Variants in LRBA observed in about 807,000 individuals in gnomAD.
LRBA encodes LPS responsive beige-like anchor protein.
LRBA carries 176 observed loss-of-function variants against 330.0 expected under a neutral mutation model. The ratio of observed to expected loss-of-function variants is 0.53; its 90% CI spans 0.47 to 0.60. The LOEUF is 0.60. Among genes scored for constraint, LRBA ranks in the 20% least tolerant of loss-of-function variants. The probability of loss-of-function intolerance (pLI) is 0.00; values close to 1 mark genes in which losing one functional copy is unlikely to be tolerated. For synonymous variants in LRBA, 1,230 were observed against 1,193.0 expected, an observed-to-expected ratio of 1.03 and a Z score of -0.64; for missense variants, 3,259 against 3,444.8, an observed-to-expected ratio of 0.95 and a Z score of 1.35.
At chr4:150,471,135 G>A (rs1039003414) in intron 43 of LRBA, among the ~76,000 whole-genome samples, 2 of 152,012 alleles carry the variant, frequency 1.3e-5, no homozygotes, top group Admixed American at 1.3e-4. Context: ...AAAATATACA[G>A]TATATACATA....
intron 13 of LRBA, among the ~76,000 whole-genome samples, chr4:150,900,566 T>G (rs1717938777): frequency 6.6e-6 from 1 of 152,216 alleles, no homozygotes; most frequent in Non-Finnish European, 1.5e-5. Flanking sequence ...ACTTATGCTA[T>G]CTATGCATAG....
intron 42 of LRBA, among the ~76,000 whole-genome samples, chr4:150,481,104 T>C (rs1757247608): frequency 6.6e-6 from 1 of 152,232 alleles, no homozygotes; most frequent in South Asian, 2.1e-4. Flanking sequence ...TAACTTTCTG[T>C]GCCTGGCTTA....
At chr4:150,372,676 T>A (rs1222773965) in intron 47 of LRBA, among the ~76,000 whole-genome samples, 3 of 148,576 alleles carry the variant, frequency 2.0e-5, no homozygotes, top group East Asian at 1.9e-4. Flanking sequence ...AAGCTTCAAT[T>A]TATTCCTCAT....
At chr4:151,012,507 G>A (rs1744967992) in intron 2 of LRBA, among the ~76,000 whole-genome samples, 2 of 152,166 alleles carry the variant, frequency 1.3e-5, no homozygotes, top group South Asian at 4.1e-4. Flanking sequence ...AATGTTTCAA[G>A]TCTATTTTGA....
At chr4:150,965,019 T>C (rs1738723853) in intron 2 of LRBA, among the ~76,000 whole-genome samples, 1 of 152,148 alleles carries the variant, frequency 6.6e-6, no homozygotes, top group African/African-American at 2.4e-5. Context: ...AGAGGCACTT[T>C]CATAGAGTTC....
chr4:150,738,031 G>A (rs1222564071), intron 35 of LRBA, among the ~76,000 whole-genome samples: 6 of 130,336 alleles, frequency 4.6e-5, no homozygotes, highest in East Asian at 2.2e-4. Context: ...TCGCTCTGTC[G>A]CCCAGGCTGG....
intron 40 of LRBA, among the ~76,000 whole-genome samples, chr4:150,508,077 G>A (rs1480911255): frequency 8.3e-6 from 1 of 120,340 alleles, no homozygotes; most frequent in African/African-American, 3.1e-5. Flanking sequence ...GGGGACTGTT[G>A]TGGGGTGGGG....
intron 40 of LRBA, among the ~76,000 whole-genome samples, chr4:150,551,057 GTGATTA>G (rs1445075233): frequency 3.9e-5 from 6 of 152,120 alleles, no homozygotes; most frequent in Admixed American, 6.5e-5. Flanking sequence ...ATGGATTAAT[GTGATTA>G]TTGCTAGGGA....
At chr4:150,832,923 C>T (rs1437680506) in intron 28 of LRBA, among the ~76,000 whole-genome samples, 1 of 152,034 alleles carries the variant, frequency 6.6e-6, no homozygotes, top group Non-Finnish European at 1.5e-5. Flanking sequence ...GAATACACCA[C>T]CACATCCAGC....
intron 37 of LRBA, among the ~76,000 whole-genome samples, chr4:150,613,994 T>A (rs1204207785): frequency 6.6e-6 from 1 of 152,054 alleles, no homozygotes; most frequent in Non-Finnish European, 1.5e-5. Flanking sequence ...ACTACCAGAG[T>A]CTTTAGTTTC....
Position 150,915,650 on chromosome 4 carries a change from C to A in LRBA, c.972G>T (p.Leu324=). 1 of 1,612,938 alleles carries A rather than the reference C, an allele frequency of 6.2e-7. No homozygotes were observed. Among genetic ancestry groups the A allele is most frequent in the Non-Finnish European group, 8.5e-7 (1 of 1,179,176 alleles). Reference sequence around the variant, plus strand: ...ACCATGTTATCTCTCCATAGGAAGCCAGCTCACCATTCACATAACATCGAA... The same window carrying A: ...ACCATGTTATCTCTCCATAGGAAGCAAGCTCACCATTCACATAACATCGAA... The part of the protein sequence containing the change: ...SELRCYVNGE[L]ASYGEITWFV... Residue 324 remains leucine (L), a synonymous_variant, in exon 8 of 57, where the codon CTG becomes CTT. Transcript: ENST00000651943.
intron 46 of LRBA, among the ~76,000 whole-genome samples, chr4:150,422,040 T>C (rs1381038996): frequency 2.0e-5 from 3 of 152,152 alleles, no homozygotes; most frequent in Non-Finnish European, 2.9e-5. Flanking sequence ...GGAGGACTGA[T>C]TGAGTGCAGG....
intron 40 of LRBA, among the ~76,000 whole-genome samples, chr4:150,573,564 C>A (rs1156391456): frequency 6.6e-6 from 1 of 152,074 alleles, no homozygotes; most frequent in African/African-American, 2.4e-5. Context: ...AAAATGAGAA[C>A]AATTAGATCT....
intron 36 of LRBA, among the ~76,000 whole-genome samples, chr4:150,699,859 A>G (rs1257875896): frequency 6.6e-6 from 1 of 152,158 alleles, no homozygotes; most frequent in Non-Finnish European, 1.5e-5. Flanking sequence ...TTCAAACCCT[A>G]GCAATTTGGA....
intron 40 of LRBA, among the ~76,000 whole-genome samples, chr4:150,547,938 C>T (rs1222777300): frequency 6.6e-6 from 1 of 152,094 alleles, no homozygotes; most frequent in Non-Finnish European, 1.5e-5. Context: ...ATGACTTTTA[C>T]TTGCTGTTTC....
chr4:150,594,845 T>C (rs1351620249), intron 38 of LRBA, among the ~76,000 whole-genome samples: 1 of 151,920 alleles, frequency 6.6e-6, no homozygotes, highest in Non-Finnish European at 1.5e-5. Flanking sequence ...GATTTATCTA[T>C]CCACCACAAA....
intron 36 of LRBA, among the ~76,000 whole-genome samples, chr4:150,703,709 T>A (rs1425854331): frequency 6.6e-6 from 1 of 152,104 alleles, no homozygotes; most frequent in African/African-American, 2.4e-5. Context: ...ATGATTGTAA[T>A]AAGAGAAGTG....
intron 2 of LRBA, among the ~76,000 whole-genome samples, chr4:150,965,583 G>A (rs1471520015): frequency 1.3e-5 from 2 of 152,112 alleles, no homozygotes; most frequent in African/African-American, 4.8e-5. Context: ...TGTTGTCCAG[G>A]TGGCAGACTG....
intron 44 of LRBA, among the ~76,000 whole-genome samples, chr4:150,466,682 T>G (rs1263005649): frequency 6.6e-6 from 1 of 152,106 alleles, no homozygotes; most frequent in Non-Finnish European, 1.5e-5. Context: ...ATTTGTTAGC[T>G]GTTCCTAGAA....
Sources: gnomAD v4.1 joint callset for allele counts (sites outside exome capture counted in the v4.1 genomes callset) on GRCh38, gnomAD v4.1.1 for gene constraint, MANE v1.5 for transcripts, NCBI Gene and HGNC (gene_info 2026-07-23, HGNC 2026-07-21) for gene names.